The following SNRPC variants were observed in gnomAD, a reference collection of about 807,000 sequenced individuals.
The protein encoded by SNRPC is U1 small nuclear ribonucleoprotein C.
Under a neutral mutation model 20.0 loss-of-function variants are expected in SNRPC, and 5 were observed. The ratio of observed to expected loss-of-function variants is 0.25; its 90% CI spans 0.13 to 0.53. SNRPC has a LOEUF of 0.53. Among genes scored for constraint, SNRPC ranks in the 20% least tolerant of loss-of-function variants. The pLI, the probability that SNRPC is intolerant of heterozygous loss-of-function variation, is 0.96. For synonymous variants in SNRPC, 61 were observed against 58.7 expected (o/e 1.04, Z -0.18); for missense variants, 112 against 224.1 (o/e 0.50, Z 3.19).
In SNRPC at chr6:34,760,231, G is replaced by T. The variant is rs1764517556; in HGVS notation, c.51+2277G>T. ...AGGCTCAAGCAATTCTCCTGTCTCA[G>T]CTTCTCCAGTAGCTGGGATTACAGG... On this transcript the variant is annotated intron_variant, in intron 2 of 5. Coordinates refer to ENST00000244520, the MANE Select transcript of SNRPC (RefSeq NM_003093.3). Among the ~76,000 whole-genome samples the T allele has an allele frequency of 1.3e-5, 2 of 150,206 alleles. 1 individual carries two copies. Among genetic ancestry groups the T allele is most frequent in the South Asian group, 4.2e-4 (2 of 4,796 alleles).
At chr6:34,764,471 CG>C (rs1764587085) in intron 3 of SNRPC, among the ~76,000 whole-genome samples, 1 of 146,968 alleles carries the variant, frequency 6.8e-6, no homozygotes, top group Non-Finnish European at 1.5e-5. Flanking sequence ...AGGGAAACTC[CG>C]TCTCAAAAAC....
chr6:34,765,746 AT>A (rs1196502879), intron 3 of SNRPC, among the ~76,000 whole-genome samples: 6 of 147,986 alleles, frequency 4.1e-5, no homozygotes, highest in Non-Finnish European at 6.0e-5. Context: ...CCCAGTCACA[AT>A]TTTTTTTTTA....
chr6:34,758,320 CTT>C (rs1218148556), intron 2 of SNRPC, among the ~76,000 whole-genome samples: 3 of 147,524 alleles, frequency 2.0e-5, no homozygotes. Flanking sequence ...TTTGTTAGTA[CTT>C]TTTTTTTTTT....
chr6:34,757,591 T>C, intron 1 of SNRPC, 40 bp downstream of exon 1: 2 of 1,601,952 alleles, frequency 1.2e-6, no homozygotes, highest in East Asian at 2.2e-5. Flanking sequence ...TCGTAGTCAC[T>C]AGTTGTGGCC....
At chr6:34,765,443 T>A (rs967933022) in intron 3 of SNRPC, among the ~76,000 whole-genome samples, 22 of 145,858 alleles carry the variant, frequency 1.5e-4, no homozygotes, top group African/African-American at 4.2e-4. Context: ...TTATTTATTT[T>A]ATTTATTTAT....
At chr6:34,760,874 T>C (rs980438735) in intron 2 of SNRPC, among the ~76,000 whole-genome samples, 37 of 147,898 alleles carry the variant, frequency 2.5e-4, no homozygotes, top group African/African-American at 7.8e-4. Context: ...TGAAACCCCA[T>C]CTCTACTAAA....
chr6:34,760,508 A>T (rs961916831), intron 2 of SNRPC, among the ~76,000 whole-genome samples: 23 of 152,094 alleles, frequency 1.5e-4, no homozygotes, highest in Non-Finnish European at 5.9e-5. Context: ...CCCTCGACAT[A>T]ATTTTCTGAA....
intron 3 of SNRPC, among the ~76,000 whole-genome samples, chr6:34,765,402 T>A (rs1402202522): frequency 1.3e-5 from 2 of 151,832 alleles, no homozygotes; most frequent in Non-Finnish European, 2.9e-5. Context: ...TCCCAGTTTT[T>A]AAAATTTATC....
chr6:34,764,104 G>A (rs906962802), intron 3 of SNRPC, among the ~76,000 whole-genome samples: 5 of 151,988 alleles, frequency 3.3e-5, no homozygotes, highest in African/African-American at 1.2e-4. Context: ...AGCACTTTGG[G>A]AGGAGGAGGT....
At chr6:34,769,306 TGCAACCTCC>T (rs1299632900) in intron 4 of SNRPC, among the ~76,000 whole-genome samples, 2 of 149,608 alleles carry the variant, frequency 1.3e-5, no homozygotes, top group Non-Finnish European at 3.0e-5. Flanking sequence ...CTCAGCTCAC[TGCAACCTCC>T]GCCTCCTGGG....
In SNRPC at chr6:34,762,673, G is replaced by T; in HGVS notation, c.130G>T (p.Glu44Ter). ...AGACTATTATCAGAAATGGATGGAA[G>T]AGCAGGCTCAGAGCCTGATTGACAA... Reference protein sequence around the residue: ...VKDYYQKWMEEQAQSLIDKTT... With the variant: ...VKDYYQKWME Residue 44 changes from glutamate to a stop codon, truncating the protein, a stop_gained, in exon 3 of 6, where the codon GAG becomes TAG. Transcript: ENST00000244520. LOFTEE classifies it high-confidence loss of function. 1 of 1,592,654 alleles carries T rather than the reference G, an allele frequency of 6.3e-7. No individual in the cohort carries two copies. The highest frequency in any genetic ancestry group is 1.1e-5 in the South Asian group (1 of 90,642).
At chr6:34,772,901 G>A (rs1764707539) in intron 5 of SNRPC, 3 of 152,224 alleles carry the variant, frequency 2.0e-5, no homozygotes, top group South Asian at 2.1e-4. Context: ...TATAAATCAC[G>A]TTATTGCCTA....
chr6:34,772,115 G>C (rs767736123), intron 5 of SNRPC, among the ~76,000 whole-genome samples: 1 of 152,180 alleles, frequency 6.6e-6, no homozygotes, highest in South Asian at 2.1e-4. Flanking sequence ...GGTGGACGGG[G>C]ATAGGAATGG....
At chr6:34,759,061 G>A (rs7341253) in intron 2 of SNRPC, among the ~76,000 whole-genome samples, 64,864 of 147,508 alleles carry the variant, frequency 0.44, 16,165 homozygotes, top group African/African-American at 0.68. Flanking sequence ...GAAAACCCAC[G>A]TTAATTAATG....
intron 1 of SNRPC, 27 bp from the exon 2 acceptor site, chr6:34,757,885 T>C: frequency 3.1e-6 from 5 of 1,612,496 alleles, no homozygotes; most frequent in Non-Finnish European, 4.2e-6. Flanking sequence ...GTTGTCGTCT[T>C]TTTCTCTTCC....
intron 2 of SNRPC, among the ~76,000 whole-genome samples, chr6:34,759,959 G>A (rs1764512295): frequency 6.6e-6 from 1 of 152,098 alleles, no homozygotes; most frequent in African/African-American, 2.4e-5. Flanking sequence ...TTGAATAGTA[G>A]CTGGAAGAAA....
At chr6:34,761,702 C>T (rs996296955) in intron 2 of SNRPC, among the ~76,000 whole-genome samples, 6 of 150,520 alleles carry the variant, frequency 4.0e-5, no homozygotes, top group Non-Finnish European at 7.4e-5. Context: ...TTAGCAGAGA[C>T]GAGGTTTCAC....
At chr6:34,766,588 G>A (rs1393496560) in intron 3 of SNRPC, among the ~76,000 whole-genome samples, 1 of 152,116 alleles carries the variant, frequency 6.6e-6, no homozygotes, top group Non-Finnish European at 1.5e-5. Context: ...AGCCCCTCAG[G>A]GACACACCTA....
chr6:34,772,543 A>G (rs9469865), intron 5 of SNRPC, among the ~76,000 whole-genome samples: 1 of 152,234 alleles, frequency 6.6e-6, no homozygotes, highest in African/African-American at 2.4e-5. Flanking sequence ...TGATAAGGCT[A>G]TATTCAAGTT....
Sources: gnomAD v4.1 joint callset for allele counts (sites outside exome capture counted in the v4.1 genomes callset) on GRCh38, gnomAD v4.1.1 for gene constraint, MANE v1.5 for transcripts, NCBI Gene and HGNC (gene_info 2026-07-23, HGNC 2026-07-21) for gene names.